Variants in COL21A1 observed in about 807,000 individuals in gnomAD.
The protein encoded by COL21A1 is collagen alpha-1(XXI) chain.
In COL21A1, 149 loss-of-function variants were observed where a neutral mutation model predicts 137.9. That is an observed-to-expected ratio of 1.08 (90% CI 0.95 to 1.24). The LOEUF (loss-of-function observed/expected upper bound fraction) is 1.24, where lower values mean the gene tolerates loss of function less well. Ranked by LOEUF, COL21A1 falls within the 50% of genes most tolerant of loss-of-function variation. The probability of loss-of-function intolerance (pLI) is 0.00; values close to 1 mark genes in which losing one functional copy is unlikely to be tolerated. For missense variants in COL21A1, 1,167 were observed against 1,158.4 expected, an observed-to-expected ratio of 1.01 and a Z score of -0.11; for synonymous variants, 456 against 391.5, an observed-to-expected ratio of 1.16 and a Z score of -1.95.
intron 1 of COL21A1, among the ~76,000 whole-genome samples, chr6:56,358,583 C>A (rs147360168): frequency 9.9e-4 from 151 of 152,236 alleles, no homozygotes; most frequent in African/African-American, 3.6e-3. Context: ...AACTCCAACC[C>A]ACTGGTATAC....
At chr6:56,351,889 C>T (rs1418884847) in intron 1 of COL21A1, among the ~76,000 whole-genome samples, 2 of 152,090 alleles carry the variant, frequency 1.3e-5, no homozygotes, top group Non-Finnish European at 2.9e-5. Flanking sequence ...GTCAGGGCTG[C>T]GACTAGTGTG....
intron 1 of COL21A1, among the ~76,000 whole-genome samples, chr6:56,225,045 A>G (rs2152314558): frequency 6.6e-6 from 1 of 152,194 alleles, no homozygotes; most frequent in African/African-American, 2.4e-5. Flanking sequence ...CAGGAAAAAA[A>G]AGTCAGAAAA....
At chr6:56,307,080 G>T (rs1372934025) in intron 1 of COL21A1, among the ~76,000 whole-genome samples, 1 of 152,206 alleles carries the variant, frequency 6.6e-6, no homozygotes, top group Non-Finnish European at 1.5e-5. Flanking sequence ...TCGTTCCTCT[G>T]GAAGTTTTGT....
At chr6:56,266,751 A>G (rs7748223) in intron 1 of COL21A1, among the ~76,000 whole-genome samples, 6 of 151,926 alleles carry the variant, frequency 3.9e-5, no homozygotes, top group Non-Finnish European at 8.8e-5. Flanking sequence ...GAGATGAATA[A>G]AGGATATTAA....
At chr6:56,386,949 C>T (rs993721097) in intron 1 of COL21A1, among the ~76,000 whole-genome samples, 3 of 152,192 alleles carry the variant, frequency 2.0e-5, no homozygotes, top group African/African-American at 7.2e-5. Context: ...CCATCTCCCT[C>T]ATTCCTAAAA....
intron 1 of COL21A1, among the ~76,000 whole-genome samples, chr6:56,323,581 G>T (rs1764927479): frequency 6.6e-6 from 1 of 151,998 alleles, no homozygotes; most frequent in Admixed American, 6.6e-5. Context: ...GTAGAGACAG[G>T]GTTTCAGCAT....
chr6:56,255,897 CCAT>C (rs1394281902), intron 1 of COL21A1, among the ~76,000 whole-genome samples: 4 of 152,120 alleles, frequency 2.6e-5, no homozygotes, highest in African/African-American at 9.7e-5. Flanking sequence ...AGGATGGGCT[CCAT>C]AGGGTTCTTC....
chr6:56,316,418 T>G (rs1469858434), intron 1 of COL21A1, among the ~76,000 whole-genome samples: 3 of 150,888 alleles, frequency 2.0e-5, no homozygotes, highest in African/African-American at 7.3e-5. Context: ...TATAATTTTA[T>G]TACATGCCTA....
At chr6:56,250,505 A>G (rs1325187432), upstream of COL21A1, among the ~76,000 whole-genome samples, 3 of 152,188 alleles carry the variant, frequency 2.0e-5, no homozygotes, top group Non-Finnish European at 4.4e-5. Context: ...GAGGAACAAC[A>G]GAGACTTCAG....
chr6:56,278,694 A>T (rs923297713), intron 1 of COL21A1, among the ~76,000 whole-genome samples: 3 of 152,198 alleles, frequency 2.0e-5, no homozygotes, highest in African/African-American at 7.2e-5. Context: ...TCATGGTCAC[A>T]ATCAGATGAA....
chr6:56,233,800 C>CA (rs60424635), intron 1 of COL21A1, among the ~76,000 whole-genome samples: 3 of 149,576 alleles, frequency 2.0e-5, no homozygotes, highest in Non-Finnish European at 3.0e-5. Flanking sequence ...AAGAATAGAG[C>CA]AAAAAAATCC....
chr6:56,097,930 TATATAAAAATATATATAA>T (rs1393529716), intron 17 of COL21A1, among the ~76,000 whole-genome samples: 2 of 91,342 alleles, frequency 2.2e-5, no homozygotes, highest in African/African-American at 4.7e-5. Flanking sequence ...AATATATAAA[TATATAAAAATATATATAA>T]ATATAAAAAT....
intron 17 of COL21A1, among the ~76,000 whole-genome samples, chr6:56,094,781 T>A: frequency 6.6e-6 from 1 of 152,054 alleles, no homozygotes; most frequent in East Asian, 1.9e-4. Flanking sequence ...AATTAGGAGG[T>A]GTAAGTTGGA....
chr6:56,291,023 C>CG (rs1554179183), intron 1 of COL21A1, among the ~76,000 whole-genome samples: 1 of 152,012 alleles, frequency 6.6e-6, no homozygotes, highest in Non-Finnish European at 1.5e-5. Flanking sequence ...GGGCATTACC[C>CG]GGGAGCTTGT....
rs1777013436 is a variant in COL21A1, at chr6:56,171,141, A to G, written c.641-13T>C. On this transcript the variant is annotated splice_polypyrimidine_tract_variant and intron_variant, in intron 3 of 29. Transcript: ENST00000244728. Reference sequence around the variant, plus strand: ...GGACAGACAGATTCTATAAAGCAAAAGCAATAAAAGTTGGTTAATCATGGA... The same window carrying G: ...GGACAGACAGATTCTATAAAGCAAAGGCAATAAAAGTTGGTTAATCATGGA... The G allele has an allele frequency of 1.3e-6, 2 of 1,565,342 alleles. No homozygotes were observed. The highest frequency in any genetic ancestry group is 2.4e-5 in the South Asian group (2 of 83,082).
chr6:56,170,557 A>G, intron 5 of COL21A1, 92 bp downstream of exon 5: 5 of 783,880 alleles, frequency 6.4e-6, no homozygotes, highest in Non-Finnish European at 1.0e-5. Flanking sequence ...CAATCATGTT[A>G]AAATTATAGC....
intron 12 of COL21A1, among the ~76,000 whole-genome samples, chr6:56,129,633 G>A (rs12203407): frequency 0.15 from 22,599 of 150,954 alleles, 1,729 homozygotes; most frequent in Middle Eastern, 0.22. Flanking sequence ...CCTCTGTCAC[G>A]TGCGTGCGTG....
chr6:56,335,923 T>C (rs528898582), intron 1 of COL21A1, among the ~76,000 whole-genome samples: 56 of 152,308 alleles, frequency 3.7e-4, no homozygotes, highest in Admixed American at 1.4e-3. Context: ...TGTGAGAGTC[T>C]GGGGGACTCT....
At chr6:56,276,403 A>G in intron 1 of COL21A1, 1 of 562,584 alleles carries the variant, frequency 1.8e-6, no homozygotes. Flanking sequence ...ATTTTTAAAA[A>G]GGTTTCCTGT....
Sources: gnomAD v4.1 joint callset for allele counts (sites outside exome capture counted in the v4.1 genomes callset) on GRCh38, gnomAD v4.1.1 for gene constraint, MANE v1.5 for transcripts, NCBI Gene and HGNC (gene_info 2026-07-23, HGNC 2026-07-21) for gene names.